The following REPS2 variants were observed in gnomAD, a reference collection of about 807,000 sequenced individuals.
REPS2 encodes ralBP1-associated Eps domain-containing protein 2.
In REPS2, 23 loss-of-function variants were observed where a neutral mutation model predicts 53.6. The observed-to-expected ratio is 0.43, with a 90% CI of 0.31 to 0.61. REPS2 has a LOEUF of 0.61. Among genes scored for constraint, REPS2 ranks in the 20% least tolerant of loss-of-function variants. The pLI is 0.11. For missense variants in REPS2, 446 were observed against 534.9 expected (o/e 0.83, Z 1.64); for synonymous variants, 238 against 218.6 (o/e 1.09, Z -0.78).
intron 1 of REPS2, among the ~76,000 whole-genome samples, chrX:16,954,489 A>G (rs2060567102): frequency 8.9e-6 from 1 of 111,841 alleles, no homozygotes; most frequent in South Asian, 3.7e-4. Context: ...GGGTGGGCAG[A>G]AGGAAATGGA....
the REPS2 span, among the ~76,000 whole-genome samples, chrX:17,184,203 A>G: frequency 3.2e-5 from 2 of 61,785 alleles, no homozygotes; most frequent in African/African-American, 1.3e-4. Context: ...AACAGTCCCC[A>G]GAGTGTGATG....
At chrX:17,159,313 T>C in the REPS2 span, among the ~76,000 whole-genome samples, 5 of 111,753 alleles carry the variant, frequency 4.5e-5, no homozygotes, top group African/African-American at 6.5e-5. Context: ...TCCAACTTCC[T>C]TACTTTCTAC....
intron 1 of REPS2, among the ~76,000 whole-genome samples, chrX:16,999,302 T>G (rs1018105852): frequency 1.8e-5 from 2 of 111,716 alleles, no homozygotes; most frequent in African/African-American, 6.5e-5. Flanking sequence ...TTGTAATTCT[T>G]GTGGATATTG....
chrX:16,976,945 G>A (rs1308594235), intron 1 of REPS2, among the ~76,000 whole-genome samples: 3 of 111,344 alleles, frequency 2.7e-5, no homozygotes, highest in Non-Finnish European at 5.7e-5. Flanking sequence ...AGATTCCTTG[G>A]TTCAGATGGT....
intron 14 of REPS2, among the ~76,000 whole-genome samples, chrX:17,125,603 G>A (rs780597332): frequency 8.9e-5 from 10 of 112,589 alleles, no homozygotes. Context: ...GGAGCCACTG[G>A]GCTAGAGGGT....
chrX:17,095,366 T>C (rs1390254592), intron 13 of REPS2, among the ~76,000 whole-genome samples: 2 of 111,929 alleles, frequency 1.8e-5, no homozygotes, highest in Admixed American at 1.9e-4. Context: ...ATATTTTTAC[T>C]GAATCTGTCT....
rs2063567662 is a variant in REPS2 at position 17,151,382 on chromosome X, C to T, written c.*3901C>T. On this transcript the variant is annotated 3_prime_UTR_variant, in exon 18 of 18. Coordinates refer to ENST00000357277, the MANE Select transcript of REPS2 (RefSeq NM_004726.3). Reference sequence around the variant, plus strand: ...CATTTGTCTGTTTCTTAAATGATCTCACAGCCATGGTAATAATAGATGTGT... The same window carrying T: ...CATTTGTCTGTTTCTTAAATGATCTTACAGCCATGGTAATAATAGATGTGT... 1.8e-5 allele frequency: 2 copies of T among 112,425 alleles called. No individual in the cohort carries two copies. Among genetic ancestry groups the T allele is most frequent in the South Asian group, 7.4e-4 (2 of 2,718 alleles). The allele number at this position is 112,425 out of a possible 1,213,427, so 9.3% of individuals were successfully genotyped here. A position where few individuals can be genotyped will look rare whatever the true frequency, so the allele number is the denominator to read the frequency against.
At chrX:17,113,111 AAAAAAG>A (rs2062996964) in intron 14 of REPS2, among the ~76,000 whole-genome samples, 1 of 92,967 alleles carries the variant, frequency 1.1e-5, no homozygotes, top group South Asian at 5.5e-4. Flanking sequence ...AAAAAAAAAA[AAAAAAG>A]AAACTGGAAG....
At chrX:17,002,476 A>T (rs1323472627) in intron 1 of REPS2, among the ~76,000 whole-genome samples, 1 of 111,619 alleles carries the variant, frequency 9.0e-6, no homozygotes, top group Non-Finnish European at 1.9e-5. Context: ...GGGTAATCAG[A>T]TATGGGGGTT....
chrX:17,015,206 A>G (rs766569480), intron 2 of REPS2, among the ~76,000 whole-genome samples: 1 of 112,904 alleles, frequency 8.9e-6, no homozygotes, highest in South Asian at 3.6e-4. Flanking sequence ...GCTATTGAGC[A>G]CTTGAAGTGT....
chrX:17,145,333 T>A (rs1326777783), intron 17 of REPS2, among the ~76,000 whole-genome samples: 1 of 111,598 alleles, frequency 9.0e-6, no homozygotes, highest in Admixed American at 9.5e-5. Flanking sequence ...GAAACCTAAT[T>A]TATGTCTCAA....
the REPS2 span, among the ~76,000 whole-genome samples, chrX:17,193,550 G>A: frequency 1.8e-5 from 2 of 111,306 alleles, no homozygotes; most frequent in African/African-American, 6.5e-5. Flanking sequence ...TCAGAGGGCT[G>A]GCTCATTATT....
chrX:16,971,697 C>T (rs181096017), intron 1 of REPS2, among the ~76,000 whole-genome samples: 169 of 112,048 alleles, frequency 1.5e-3, no homozygotes, highest in African/African-American at 5.2e-3. Context: ...AATTTTTGTA[C>T]GTGGTGTGAA....
intron 13 of REPS2, among the ~76,000 whole-genome samples, chrX:17,102,292 T>G (rs2062819859): frequency 9.0e-6 from 1 of 111,256 alleles, no homozygotes. Flanking sequence ...ATGTTGCCTA[T>G]GCCAGTCTCA....
In REPS2 at chrX:16,996,680, A is replaced by G. The variant is rs367678180; in HGVS notation, c.274-9541A>G. ...TAGCTCTGTGCTAGAGAATCTCAATATATTTAGATTTGGGCTTGAGAGAGA... is the reference window on the plus strand; with the variant it reads ...TAGCTCTGTGCTAGAGAATCTCAATGTATTTAGATTTGGGCTTGAGAGAGA... On this transcript the variant is annotated intron_variant, in intron 1 of 17. Transcript: ENST00000357277. Among the ~76,000 whole-genome samples the G allele has an allele frequency of 1.2e-4, 13 of 112,428 alleles. No individual in the cohort carries two copies. The South Asian group carries it at 2.2e-3, about 19-fold the overall frequency.
intron 5 of REPS2, among the ~76,000 whole-genome samples, chrX:17,033,371 T>C (rs1216658283): frequency 9.0e-6 from 1 of 111,656 alleles, no homozygotes; most frequent in African/African-American, 3.3e-5. Context: ...CTCTACTTAC[T>C]CTTTAGATGT....
chrX:17,062,275 A>G (rs921278909), intron 8 of REPS2, among the ~76,000 whole-genome samples, 163 bp from the exon 9 acceptor site: 2 of 112,332 alleles, frequency 1.8e-5, no homozygotes, highest in African/African-American at 6.5e-5. Flanking sequence ...TTGTCCATAT[A>G]AAGAACTGAA....
rs545920763 is a variant in REPS2, at chrX:17,019,018, G to A, written c.398-3105G>A. Among the ~76,000 whole-genome samples, 180 of 110,210 alleles carry A rather than the reference G, an allele frequency of 1.6e-3. 4 individuals are homozygous for A. In the South Asian group the frequency reaches 0.066, roughly 40 times the overall value. On this transcript the variant is annotated intron_variant, in intron 2 of 17. Coordinates refer to ENST00000357277, the MANE Select transcript of REPS2 (RefSeq NM_004726.3). ...GAAGGGGTCTTACTGTGTTGTCCAGGCTGGTCTCAAACTGCTGGGCTCAAG... is the reference window on the plus strand; with the variant it reads ...GAAGGGGTCTTACTGTGTTGTCCAGACTGGTCTCAAACTGCTGGGCTCAAG...
the REPS2 span, among the ~76,000 whole-genome samples, chrX:17,172,019 G>T: frequency 9.0e-6 from 1 of 111,455 alleles, no homozygotes; most frequent in South Asian, 3.7e-4. Context: ...ATTATATACA[G>T]ATCTTATTGA....
Sources: gnomAD v4.1 joint callset for allele counts (sites outside exome capture counted in the v4.1 genomes callset) on GRCh38, gnomAD v4.1.1 for gene constraint, MANE v1.5 for transcripts, NCBI Gene and HGNC (gene_info 2026-07-23, HGNC 2026-07-21) for gene names.